The following CUX1 variants were observed in gnomAD, a reference collection of about 807,000 sequenced individuals.
The protein encoded by CUX1 is protein CASP.
A neutral mutation model predicts 158.8 loss-of-function variants in CUX1; 31 were observed. That is an observed-to-expected ratio of 0.20 (90% CI 0.15 to 0.26). The LOEUF is 0.26. Among genes scored for constraint, CUX1 ranks in the 10% least tolerant of loss-of-function variants. CUX1 has a pLI of 1.00. For missense variants in CUX1, 1,589 were observed against 2,014.6 expected, an observed-to-expected ratio of 0.79 and a Z score of 4.04; for synonymous variants, 879 against 862.1, an observed-to-expected ratio of 1.02 and a Z score of -0.34.
chr7:102,255,168 C>T lies in CUX1; in HGVS notation c.*6126C>T. 3.0e-6 allele frequency: 3 copies of T among 985,530 alleles called. No homozygotes were observed. Among genetic ancestry groups the T allele is most frequent in the Non-Finnish European group, 3.6e-6 (3 of 830,010 alleles). 61.0% of individuals were successfully genotyped at this position (985,530 alleles called of 1,614,324 possible). A position where few individuals can be genotyped will look rare whatever the true frequency, so the allele number is the denominator to read the frequency against. ...GGAATAGAAGGAAATGCAATTTCCG[C>T]CTGTCTGCCCGACTTCCAAAAACTG... is the stretch of plus-strand genomic sequence containing the variant. On this transcript the variant is annotated 3_prime_UTR_variant, in exon 24 of 24. Transcript: ENST00000292535.
chr7:102,195,625 C>T (rs782503529), intron 14 of CUX1, 22 bp downstream of exon 14: 15 of 1,583,070 alleles, frequency 9.5e-6, no homozygotes, highest in African/African-American at 6.7e-5. Flanking sequence ...GGGCTTCGCG[C>T]GTGTGCGGTG....
At chr7:102,097,343 G>A in intron 4 of CUX1, 21 bp from the exon 5 acceptor site, 5 of 1,597,628 alleles carry the variant, frequency 3.1e-6, no homozygotes, top group Non-Finnish European at 4.3e-6. Context: ...GTGGGGTGAT[G>A]GCTGTTTTCC....
chr7:102,123,525 C>T (rs919071323), intron 8 of CUX1, among the ~76,000 whole-genome samples: 3 of 148,268 alleles, frequency 2.0e-5, no homozygotes, highest in Non-Finnish European at 3.0e-5. Flanking sequence ...AGGAGAATGG[C>T]GTGAACCCGG....
intron 6 of CUX1, 125 bp from the exon 7 acceptor site, chr7:102,111,549 CACGGCACACGTGTCGTTGCGGGCG>C: frequency 3.0e-6 from 2 of 670,482 alleles, no homozygotes; most frequent in Non-Finnish European, 5.3e-6. Context: ...GAGCGGGGCC[CACGGCACACGTGTCGTTGCGGGCG>C]ATACCCCGTG....
Position 102,121,279 on chromosome 7 carries a change from T to C in CUX1, c.674+6006T>C, listed in dbSNP as rs371741878. Among the ~76,000 whole-genome samples the C allele has an allele frequency of 4.6e-5, 7 of 152,022 alleles. No individual in the cohort carries two copies. In the East Asian group the frequency reaches 1.4e-3, roughly 29 times the overall value. On this transcript the variant is annotated intron_variant, in intron 8 of 23. Transcript: ENST00000292535. ...ACCTCCCGGGTTCAAGTGATTCTTC[T>C]GCCTCAGCTGCTGGAGGAGCTGGGA...
At chr7:101,924,134 C>T (rs888981574) in intron 2 of CUX1, among the ~76,000 whole-genome samples, 7 of 152,010 alleles carry the variant, frequency 4.6e-5, no homozygotes, top group South Asian at 2.1e-4. Flanking sequence ...CAGGAAGCCA[C>T]GCACCTGATG....
At chr7:102,274,754 T>C (rs1791485542) in intron 16 of CUX1, among the ~76,000 whole-genome samples, 1 of 152,232 alleles carries the variant, frequency 6.6e-6, no homozygotes, top group African/African-American at 2.4e-5. Context: ...CAGGCCTCAC[T>C]GCCAAAGTGC....
Position 101,993,519 on chromosome 7 carries a change from A to G in CUX1, c.142-34579A>G, listed in dbSNP as rs755501624. ...AGGGGAGCACTTACCTTTTCATTTC[A>G]TAGTATGTCGGAGCTGCTGATGCAG... On this transcript the variant is annotated intron_variant, in intron 2 of 23. Transcript: ENST00000292535. 2.0e-5 allele frequency among the ~76,000 whole-genome samples: 3 copies of G among 152,148 alleles called. No homozygotes were observed. In the South Asian group the frequency reaches 6.2e-4, roughly 31 times the overall value.
intron 2 of CUX1, among the ~76,000 whole-genome samples, chr7:102,013,533 A>G (rs959173750): frequency 2.0e-5 from 3 of 152,244 alleles, no homozygotes; most frequent in African/African-American, 7.2e-5. Flanking sequence ...GAGGAATTCC[A>G]AAAGTATTCA....
intron 8 of CUX1, among the ~76,000 whole-genome samples, chr7:102,155,580 A>C (rs1789664818): frequency 6.6e-6 from 1 of 151,614 alleles, no homozygotes; most frequent in Admixed American, 6.6e-5. Context: ...AAATCCTTGC[A>C]ATTTGCCTTA....
At chr7:102,212,233 A>G (rs1796608815) in intron 20 of CUX1, among the ~76,000 whole-genome samples, 1 of 152,146 alleles carries the variant, frequency 6.6e-6, no homozygotes, top group East Asian at 1.9e-4. Flanking sequence ...TCCTGCACAG[A>G]TGTCAGGGGC....
intron 1 of CUX1, among the ~76,000 whole-genome samples, chr7:101,878,453 C>T (rs1799383593): frequency 6.6e-6 from 1 of 152,154 alleles, no homozygotes. Context: ...CAAGGTGTGG[C>T]TGGGGCCAAG....
chr7:102,060,592 TACACACACACAAATAAACAC>T (rs1167176946), intron 3 of CUX1, among the ~76,000 whole-genome samples: 2 of 86,954 alleles, frequency 2.3e-5, no homozygotes, highest in Non-Finnish European at 4.9e-5. Flanking sequence ...TATATATATA[TACACACACACAAATAAACAC>T]ACACACACAC....
In CUX1 at chr7:102,036,252, G is replaced by A. The variant is rs541940204; in HGVS notation, c.189+8107G>A. On this transcript the variant is annotated intron_variant, in intron 3 of 23. Coordinates refer to ENST00000292535, the MANE Select transcript of CUX1 (RefSeq NM_181552.4). The stretch of plus-strand genomic sequence containing the variant: ...ATTACAGTCATGAGCCACCGAGCCC[G>A]GCCCCAGCAAGAATCTTAATGAAAC... Among the ~76,000 whole-genome samples the A allele has an allele frequency of 4.6e-5, 7 of 151,912 alleles. No individual in the cohort carries two copies. In the South Asian group the frequency reaches 1.5e-3, roughly 32 times the overall value.
At chr7:101,962,240 C>G (rs1008527196) in intron 2 of CUX1, among the ~76,000 whole-genome samples, 11 of 152,328 alleles carry the variant, frequency 7.2e-5, no homozygotes, top group Middle Eastern at 6.8e-3. Flanking sequence ...TAATATTTCC[C>G]TGCAATTCAT....
intron 20 of CUX1, among the ~76,000 whole-genome samples, chr7:102,223,121 C>T (rs537885749): frequency 6.6e-6 from 1 of 151,532 alleles, no homozygotes; most frequent in East Asian, 2.0e-4. Flanking sequence ...CATATTTTAC[C>T]TGTGTAAAAT....
chr7:102,069,826 G>A (rs956454232), intron 3 of CUX1, among the ~76,000 whole-genome samples: 15 of 152,172 alleles, frequency 9.9e-5, no homozygotes, highest in South Asian at 2.1e-4. Context: ...CATCTTACCC[G>A]TCCACCTGGG....
intron 20 of CUX1, among the ~76,000 whole-genome samples, chr7:102,207,957 G>A (rs1796119945): frequency 6.6e-6 from 1 of 152,036 alleles, no homozygotes; most frequent in South Asian, 2.1e-4. Flanking sequence ...GGAAGCCAAG[G>A]CAGACAGATC....
Position 101,853,584 on chromosome 7 carries a change from G to GGTGTGTGTGT in CUX1, c.30+35944_30+35953dup, listed in dbSNP as rs59324904. ...TATATCAGAGCATGGCAATAGAAAG[G>GGTGTGTGTGT]GTGTGTGTGTGTGTGTGTGTGTGTG... On this transcript the variant is annotated intron_variant, in intron 1 of 23. Coordinates refer to ENST00000292535, the MANE Select transcript of CUX1 (RefSeq NM_181552.4). Among the ~76,000 whole-genome samples, 740 of 140,860 alleles carry GGTGTGTGTGT rather than the reference G, an allele frequency of 5.3e-3. 5 individuals are homozygous for GGTGTGTGTGT. Among genetic ancestry groups the GGTGTGTGTGT allele is most frequent in the African/African-American group, 6.4e-3 (235 of 36,712 alleles). The allele number at this position is 140,860 out of a possible 152,430, so 92.4% of individuals were successfully genotyped here.
Sources: allele counts gnomAD v4.1 joint callset (sites outside exome capture counted in the v4.1 genomes callset), GRCh38; gene constraint gnomAD v4.1.1; transcripts MANE v1.5; gene names NCBI Gene and HGNC (gene_info 2026-07-23, HGNC 2026-07-21).